The following ATP2A2 variants were observed in gnomAD, a reference collection of about 807,000 sequenced individuals.
The protein encoded by ATP2A2 is sarcoplasmic/endoplasmic reticulum calcium ATPase 2.
Under a neutral mutation model 109.3 loss-of-function variants are expected in ATP2A2, and 14 were observed. The ratio of observed to expected loss-of-function variants is 0.13; its 90% CI spans 0.08 to 0.20. The LOEUF (loss-of-function observed/expected upper bound fraction) is 0.20. ATP2A2 is among the 10% of genes least tolerant of loss of function. The pLI, the probability that ATP2A2 is intolerant of heterozygous loss-of-function variation, is 1.00. For synonymous variants in ATP2A2, 506 were observed against 490.9 expected (o/e 1.03, Z -0.41); for missense variants, 657 against 1,321.6 (o/e 0.50, Z 7.80).
chr12:110,302,249 A>G (rs1187759230), intron 5 of ATP2A2, among the ~76,000 whole-genome samples: 1 of 152,154 alleles, frequency 6.6e-6, no homozygotes, highest in Non-Finnish European at 1.5e-5. Flanking sequence ...CCTAACTGAA[A>G]TGTACACCTT....
chr12:110,334,836 C>T (rs767286296), intron 11 of ATP2A2, among the ~76,000 whole-genome samples: 1 of 152,150 alleles, frequency 6.6e-6, no homozygotes, highest in Non-Finnish European at 1.5e-5. Context: ...GATCCGCCCA[C>T]CTCGGCCTCC....
chr12:110,304,883 A>G (rs1875098352), intron 5 of ATP2A2, among the ~76,000 whole-genome samples: 3 of 152,176 alleles, frequency 2.0e-5, no homozygotes, highest in Admixed American at 2.0e-4. Flanking sequence ...GTCGTGGCTC[A>G]TACCTATATG....
In ATP2A2 at chr12:110,339,116, G is replaced by C. The variant is rs1224397338; in HGVS notation, c.1420-165G>C. ...TTGTGTTACTTTTGCATCTTAGTCT[G>C]TCTCTCCCAAAATAGGGGACAAGTT... On this transcript the variant is annotated intron_variant, in intron 11 of 19. Coordinates refer to ENST00000539276, the MANE Select transcript of ATP2A2 (RefSeq NM_170665.4). The surrounding 1 kb of genome is among the most constrained non-coding windows in gnomAD (Gnocchi z 4.4). 6.6e-6 allele frequency among the ~76,000 whole-genome samples: 1 copy of C among 152,110 alleles called. No homozygotes were observed. The highest frequency in any genetic ancestry group is 2.4e-5 in the African/African-American group (1 of 41,404).
In ATP2A2 at chr12:110,348,222, G is replaced by T. The variant is rs1055071304; in HGVS notation, c.*1752G>T. ...CAAGTAACTGAACCAGTGAACTCTG[G>T]GTATCGATAGGTTCGTCTTAAATAG... On this transcript the variant is annotated 3_prime_UTR_variant, in exon 20 of 20. Coordinates refer to ENST00000539276, the MANE Select transcript of ATP2A2 (RefSeq NM_170665.4). The T allele has an allele frequency of 6.1e-6, 6 of 985,248 alleles. No homozygotes were observed. The highest frequency in any genetic ancestry group is 4.7e-5 in the South Asian group (1 of 21,286). The allele number at this position is 985,248 out of a possible 1,614,324, so 61.0% of individuals were successfully genotyped here.
intron 5 of ATP2A2, among the ~76,000 whole-genome samples, chr12:110,309,125 A>C (rs1875699281): frequency 8.1e-6 from 1 of 123,210 alleles, no homozygotes; most frequent in Non-Finnish European, 1.7e-5. Context: ...ATGGAGAGAG[A>C]GTTTAAGGAA....
At chr12:110,305,245 C>A (rs931610739) in intron 5 of ATP2A2, among the ~76,000 whole-genome samples, 1 of 152,120 alleles carries the variant, frequency 6.6e-6, no homozygotes, top group Non-Finnish European at 1.5e-5. Context: ...AGGAAAAAAA[C>A]ACTTTTAAAT....
intron 3 of ATP2A2, among the ~76,000 whole-genome samples, chr12:110,285,140 A>G (rs1186801345): frequency 6.6e-6 from 1 of 152,224 alleles, no homozygotes; most frequent in Non-Finnish European, 1.5e-5. Context: ...TTCAAATATC[A>G]AACTAAGTAG....
chr12:110,322,958 C>G (rs980174609), intron 5 of ATP2A2, 34 bp from the exon 6 acceptor site: 2 of 1,487,394 alleles, frequency 1.3e-6, no homozygotes, highest in East Asian at 2.3e-5. Context: ...TTAAAAGTTG[C>G]TCATTTCAGC....
intron 5 of ATP2A2, among the ~76,000 whole-genome samples, chr12:110,299,218 G>A (rs1375838430): frequency 6.6e-6 from 1 of 151,972 alleles, no homozygotes; most frequent in Non-Finnish European, 1.5e-5. Flanking sequence ...AGGCAGTCCT[G>A]CCTCAGCCTC....
rs115455174 is a variant in ATP2A2, at chr12:110,304,459, G to C, written c.463+7722G>C. The stretch of plus-strand genomic sequence containing the variant: ...TACATCCTTGTCAAGACATGTCATT[G>C]TCTATCGTTTTAAAGTTTTACCCAG... On this transcript the variant is annotated intron_variant, in intron 5 of 19. Coordinates refer to ENST00000539276, the MANE Select transcript of ATP2A2 (RefSeq NM_170665.4). 6.1e-3 allele frequency among the ~76,000 whole-genome samples: 933 copies of C among 152,224 alleles called. 16 individuals are homozygous for C. Among genetic ancestry groups the C allele is most frequent in the African/African-American group, 0.021 (861 of 41,552 alleles).
chr12:110,306,086 T>C (rs1336457857), intron 5 of ATP2A2, among the ~76,000 whole-genome samples: 2 of 152,238 alleles, frequency 1.3e-5, no homozygotes, highest in Non-Finnish European at 2.9e-5. Context: ...TATGACAGGC[T>C]GGAGTGCAGT....
rs1289665731 is a variant in ATP2A2, at chr12:110,339,912, A to G, written c.1761+191A>G. 6.6e-6 allele frequency among the ~76,000 whole-genome samples: 1 copy of G among 152,244 alleles called. No homozygotes were observed. Among genetic ancestry groups the G allele is most frequent in the African/African-American group, 2.4e-5 (1 of 41,466 alleles). ...AAACATACATAGTTAATAATTTCAT[A>G]AAAGTGTTATTTTCAAAGTAGAATA... is the stretch of plus-strand genomic sequence containing the variant. On this transcript the variant is annotated intron_variant, in intron 13 of 19. Coordinates refer to ENST00000539276, the MANE Select transcript of ATP2A2 (RefSeq NM_170665.4). The surrounding 1 kb of genome is among the most constrained non-coding windows in gnomAD (Gnocchi z 4.4).
At chr12:110,333,097 T>G (rs1878501044) in intron 9 of ATP2A2, 84 bp from the exon 10 acceptor site, 3 of 1,172,514 alleles carry the variant, frequency 2.6e-6, no homozygotes, top group African/African-American at 3.0e-5. Flanking sequence ...TTTTCATTAT[T>G]AAACAATTGC....
At chr12:110,287,287 T>C (rs1872757453) in intron 3 of ATP2A2, among the ~76,000 whole-genome samples, 1 of 152,118 alleles carries the variant, frequency 6.6e-6, no homozygotes, top group Non-Finnish European at 1.5e-5. Flanking sequence ...AGTATACTTA[T>C]CAGAAGTATA....
At chr12:110,312,136 G>C (rs372678234) in intron 5 of ATP2A2, among the ~76,000 whole-genome samples, 30 of 152,272 alleles carry the variant, frequency 2.0e-4, no homozygotes, top group African/African-American at 7.0e-4. Flanking sequence ...CTCAGATCGT[G>C]CCAGTATGCT....
In ATP2A2 at chr12:110,346,373, C is replaced by T. The variant is rs1414452511; in HGVS notation, c.3032C>T (p.Thr1011Ile). ...AAATCCTGCTCGTTCTCGGCATGCA[C>T]CGATGGGATTTCCTGGCCGTTTGTG... ...ATKSCSFSAC[T>I]DGISWPFVLL... is the part of the protein sequence containing the mutation. Residue 1011 changes from threonine to isoleucine, a missense_variant, in exon 20 of 20, where the codon ACC becomes ATC. Thr to Ile is a moderately conservative substitution (Grantham distance 89). Coordinates refer to ENST00000539276, the MANE Select transcript of ATP2A2 (RefSeq NM_170665.4). 6.2e-7 allele frequency: 1 copy of T among 1,613,966 alleles called. No individual in the cohort carries two copies. The highest frequency in any genetic ancestry group is 1.7e-5 in the Admixed American group (1 of 59,998).
chr12:110,282,210 G>C (rs1336525413), intron 1 of ATP2A2, among the ~76,000 whole-genome samples: 2 of 152,216 alleles, frequency 1.3e-5, no homozygotes, highest in Non-Finnish European at 2.9e-5. Flanking sequence ...GGTTGAGCCC[G>C]GCAAGACGTT....
chr12:110,331,960 T>A (rs1471620155), intron 8 of ATP2A2: 1 of 152,380 alleles, frequency 6.6e-6, no homozygotes, highest in Non-Finnish European at 1.5e-5. Context: ...TGCTTCCATC[T>A]GTATTGTCTA....
In ATP2A2 at chr12:110,339,300, A is replaced by G; in HGVS notation, c.1439A>G (p.Lys480Arg). ...TTGTAGGTCATTAAACAGCTGATGAAAAAGGAATTCACTCTAGAGTTTTCA... is the reference window on the plus strand; with the variant it reads ...TTGTAGGTCATTAAACAGCTGATGAGAAAGGAATTCACTCTAGAGTTTTCA... The part of the protein sequence containing the change: ...ACNSVIKQLM[K>R]KEFTLEFSRD... Residue 480 changes from lysine to arginine, a missense_variant, in exon 12 of 20, where the codon AAA (lysine) becomes AGA (arginine). Transcript: ENST00000539276. The surrounding 1 kb of genome is among the most constrained non-coding windows in gnomAD (Gnocchi z 4.4). The G allele has an allele frequency of 1.2e-6, 2 of 1,614,134 alleles. No individual in the cohort carries two copies. Among genetic ancestry groups the G allele is most frequent in the South Asian group, 1.1e-5 (1 of 91,048 alleles).
Sources: gnomAD v4.1 joint callset for allele counts (sites outside exome capture counted in the v4.1 genomes callset) on GRCh38, gnomAD v4.1.1 for gene constraint, Gnocchi (gnomAD v3.1) non-coding constraint, MANE v1.5 for transcripts, NCBI Gene and HGNC (gene_info 2026-07-23, HGNC 2026-07-21) for gene names.